Variants in UHRF1 observed in about 807,000 individuals in gnomAD.
The protein encoded by UHRF1 is ubiquitin like with PHD and ring finger domains 1.
Under a neutral mutation model 96.5 loss-of-function variants are expected in UHRF1, and 9 were observed. That is an observed-to-expected ratio of 0.09 (90% confidence interval 0.06 to 0.16). The LOEUF (loss-of-function observed/expected upper bound fraction) is 0.16, where lower values mean the gene tolerates loss of function less well. UHRF1 is among the 10% of genes least tolerant of loss of function. The pLI is 1.00. For missense variants in UHRF1, 626 were observed against 1,131.1 expected (o/e 0.55, Z 6.40); for synonymous variants, 455 against 469.9 (o/e 0.97, Z 0.41).
Position 4,960,602 on chromosome 19 carries a change from G to C in UHRF1, c.2236-55G>C, listed in dbSNP as rs559261720. ...CCCACAGTCCTGGGAGAGGTGGCCA[G>C]GAGCAAACCTGATGGTGTGGATGGC... On this transcript the variant is annotated intron_variant, in intron 16 of 16. Transcript: ENST00000650932. 9 of 1,591,648 alleles carry C rather than the reference G, an allele frequency of 5.7e-6. No homozygotes were observed. The African/African-American group carries it at 8.0e-5, about 14-fold the overall frequency.
At chr19:4,950,215 AAAT>A (rs1294779005) in intron 11 of UHRF1, among the ~76,000 whole-genome samples, 2 of 151,390 alleles carry the variant, frequency 1.3e-5, no homozygotes, top group Non-Finnish European at 2.9e-5. Context: ...CCTATTTTAT[AAAT>A]TATACATATA....
chr19:4,906,089 G>T (rs1004944618), upstream of UHRF1, among the ~76,000 whole-genome samples: 1 of 152,192 alleles, frequency 6.6e-6, no homozygotes, highest in Non-Finnish European at 1.5e-5. Flanking sequence ...AGGTCCTCCT[G>T]CATCAGTGTC....
Position 4,950,968 on chromosome 19 carries a change from G to A in UHRF1, c.1790G>A (p.Arg597Gln), listed in dbSNP as rs1013888086. ...PGPWTKEGKD[R>Q]IKKLGLTMQY... ...CCTTGGACGAAGGAGGGGAAGGACC[G>A]GATCAAGAAGCTGGGGCTGACCATG... is the stretch of plus-strand genomic sequence containing the variant. The change falls in exon 13 of 17, where the codon CGG becomes CAG. Residue 597 changes from arginine to glutamine, a missense_variant. Arg to Gln is a conservative substitution (Grantham distance 43). Transcript: ENST00000650932. The A allele has an allele frequency of 6.2e-7, 1 of 1,611,280 alleles. No homozygotes were observed. The highest frequency in any genetic ancestry group is 1.3e-5 in the African/African-American group (1 of 74,850).
chr19:4,944,381 C>T lies in UHRF1; in HGVS notation c.1236C>T (p.Ile412=), dbSNP rs777247314. ...ACVGRTKECT[I]VPSNHYGPIP... is the part of the protein sequence containing the mutation. ...TGGGCCGCACCAAGGAATGTACCAT[C>T]GTCCCGTCCAACCACTACGGACCCA... Residue 412 remains isoleucine (I), a synonymous_variant, in exon 9 of 17, where the codon ATC becomes ATT. Coordinates refer to ENST00000650932, the MANE Select transcript of UHRF1 (RefSeq NM_001048201.3). 1.9e-5 allele frequency: 31 copies of T among 1,614,060 alleles called. No individual in the cohort carries two copies. The Middle Eastern group carries it at 5.0e-4, about 26-fold the overall frequency.
intron 5 of UHRF1, among the ~76,000 whole-genome samples, chr19:4,939,123 G>A (rs1194318235): frequency 2.0e-5 from 3 of 150,740 alleles, no homozygotes; most frequent in African/African-American, 7.3e-5. Context: ...TCACCATGTT[G>A]GCCAGGCTGG....
At chr19:4,959,622 T>C (rs1406748284) in intron 16 of UHRF1, among the ~76,000 whole-genome samples, 2 of 152,250 alleles carry the variant, frequency 1.3e-5, no homozygotes, top group African/African-American at 4.8e-5. Flanking sequence ...ACTTGGTTGA[T>C]TGAGCTTGAA....
At chr19:4,949,751 G>C (rs1160241382) in intron 11 of UHRF1, among the ~76,000 whole-genome samples, 1 of 152,140 alleles carries the variant, frequency 6.6e-6, no homozygotes, top group East Asian at 1.9e-4. Flanking sequence ...GTGGGAGGAT[G>C]GCTTGAGCCC....
chr19:4,939,558 C>G (rs1280262143), intron 5 of UHRF1, among the ~76,000 whole-genome samples: 1 of 151,932 alleles, frequency 6.6e-6, no homozygotes, highest in African/African-American at 2.4e-5. Flanking sequence ...CCAGGAGTTC[C>G]AAATGGCTCT....
chr19:4,911,859 C>T (rs930305071), intron 2 of UHRF1, among the ~76,000 whole-genome samples: 1 of 151,872 alleles, frequency 6.6e-6, no homozygotes, highest in Non-Finnish European at 1.5e-5. Context: ...GTTGGTTGGA[C>T]CGTGGGGACG....
chr19:4,945,976 GTGT>G lies in UHRF1; in HGVS notation c.1410+12_1410+14del. 2.6e-6 allele frequency: 3 copies of G among 1,159,440 alleles called. No homozygotes were observed. The highest frequency in any genetic ancestry group is 2.2e-5 in the Admixed American group (1 of 46,126). The allele number at this position is 1,159,440 out of a possible 1,614,324, so 71.8% of individuals were successfully genotyped here. The stretch of plus-strand genomic sequence containing the variant: ...TATGAGGATGATGTGGTGAGTGTGT[GTGT>G]GGGAGGGGTGGGGGAGGGTTGCTCT... On this transcript the variant is annotated intron_variant, in intron 10 of 16. Transcript: ENST00000650932.
At chr19:4,956,889 C>A in intron 16 of UHRF1, 76 bp downstream of exon 16, 1 of 1,010,654 alleles carries the variant, frequency 9.9e-7, no homozygotes, top group Non-Finnish European at 1.5e-6. Flanking sequence ...CACATGCCTG[C>A]CACTACAGAC....
intron 2 of UHRF1, among the ~76,000 whole-genome samples, chr19:4,913,961 G>A (rs934323057): frequency 2.8e-4 from 43 of 151,902 alleles, no homozygotes; most frequent in Admixed American, 2.7e-3. Flanking sequence ...ACAGGTGTGC[G>A]CCACCATGCG....
At chr19:4,960,437 T>A (rs1469784466) in intron 16 of UHRF1, among the ~76,000 whole-genome samples, 1 of 152,082 alleles carries the variant, frequency 6.6e-6, no homozygotes, top group Non-Finnish European at 1.5e-5. Context: ...TTAAGCTGCA[T>A]GACCTGCCAG....
intron 7 of UHRF1, among the ~76,000 whole-genome samples, chr19:4,943,247 A>G (rs2033460558): frequency 6.6e-6 from 1 of 152,002 alleles, no homozygotes; most frequent in Admixed American, 6.6e-5. Context: ...TCAAAAACAA[A>G]AAAAAAGGGG....
upstream of UHRF1, among the ~76,000 whole-genome samples, chr19:4,907,350 A>C (rs924366821): frequency 2.6e-5 from 4 of 151,800 alleles, no homozygotes; most frequent in Non-Finnish European, 5.9e-5. Context: ...GCTCACTGGA[A>C]CCTCCGCTTC....
chr19:4,923,655 C>T (rs1272685433), intron 2 of UHRF1, among the ~76,000 whole-genome samples: 2 of 152,184 alleles, frequency 1.3e-5, no homozygotes, highest in African/African-American at 2.4e-5. Flanking sequence ...ATGTGAGGGC[C>T]GCTCTAGCTT....
At chr19:4,908,498 A>G (rs952501009), upstream of UHRF1, among the ~76,000 whole-genome samples, 4 of 151,900 alleles carry the variant, frequency 2.6e-5, no homozygotes, top group Admixed American at 1.3e-4. Flanking sequence ...CCCCAACCAC[A>G]CCAGCCCCTT....
chr19:4,953,272 G>A (rs1230032674), intron 13 of UHRF1, among the ~76,000 whole-genome samples: 1 of 152,156 alleles, frequency 6.6e-6, no homozygotes, highest in Admixed American at 6.5e-5. Flanking sequence ...ACACTTCGAA[G>A]GTCCTCAGCA....
At chr19:4,957,634 G>C (rs2033893620) in intron 16 of UHRF1, among the ~76,000 whole-genome samples, 1 of 152,164 alleles carries the variant, frequency 6.6e-6, no homozygotes, top group East Asian at 1.9e-4. Context: ...CAAACCGATT[G>C]GTTTGGGGCC....
Sources: allele counts gnomAD v4.1 joint callset (sites outside exome capture counted in the v4.1 genomes callset), GRCh38; gene constraint gnomAD v4.1.1; transcripts MANE v1.5; gene names NCBI Gene and HGNC (gene_info 2026-07-23, HGNC 2026-07-21).